The following BRD10 variants were observed in gnomAD, a reference collection of about 807,000 sequenced individuals.
BRD10 encodes bromodomain containing 10.
the BRD10 span, among the ~76,000 whole-genome samples, chr9:5,980,417 T>A: frequency 6.6e-6 from 1 of 152,110 alleles, no homozygotes; most frequent in Non-Finnish European, 1.5e-5. Flanking sequence ...CTGTCCAAAC[T>A]AATAAAGACA....
At chr9:5,924,965 C>T in the BRD10 span, 7 of 724,452 alleles carry the variant, frequency 9.7e-6, no homozygotes, top group South Asian at 1.3e-4. Flanking sequence ...ACTAGAAATG[C>T]TTTAATCTTA....
At chr9:5,999,382 T>TAA in the BRD10 span, among the ~76,000 whole-genome samples, 1 of 152,120 alleles carries the variant, frequency 6.6e-6, no homozygotes, top group East Asian at 1.9e-4. Flanking sequence ...TATATATATA[T>TAA]AATCACCAGA....
the BRD10 span, chr9:5,898,219 A>C: frequency 1.3e-5 from 2 of 152,808 alleles, no homozygotes; most frequent in Non-Finnish European, 2.9e-5. Context: ...ATTAAAAAAA[A>C]ACTTTTTTTT....
the BRD10 span, among the ~76,000 whole-genome samples, chr9:5,994,753 T>C: frequency 6.6e-6 from 1 of 152,176 alleles, no homozygotes; most frequent in Non-Finnish European, 1.5e-5. Flanking sequence ...CTTCTCCTAC[T>C]GAGCAGGGTA....
the BRD10 span, among the ~76,000 whole-genome samples, chr9:5,938,927 C>G: frequency 1.3e-5 from 2 of 152,128 alleles, no homozygotes; most frequent in African/African-American, 2.4e-5. Flanking sequence ...TTAGGGCTTA[C>G]TGAGAACTCT....
chr9:5,887,344 C>A, the BRD10 span, among the ~76,000 whole-genome samples: 1 of 152,162 alleles, frequency 6.6e-6, no homozygotes, highest in South Asian at 2.1e-4. Context: ...TGAGTCTGGT[C>A]CTGTAGCATC....
At chr9:5,884,178 A>G in the BRD10 span, among the ~76,000 whole-genome samples, 9 of 152,204 alleles carry the variant, frequency 5.9e-5, no homozygotes, top group African/African-American at 2.2e-4. Flanking sequence ...CAGTTTACAC[A>G]ATGTTTTCAC....
chr9:5,956,047 G>C, the BRD10 span, among the ~76,000 whole-genome samples: 1 of 151,914 alleles, frequency 6.6e-6, no homozygotes, highest in Non-Finnish European at 1.5e-5. Flanking sequence ...TGTATGGGAA[G>C]GTTTTATAAA....
the BRD10 span, among the ~76,000 whole-genome samples, chr9:5,970,502 G>A: frequency 1.3e-5 from 2 of 152,056 alleles, no homozygotes; most frequent in Admixed American, 1.3e-4. Flanking sequence ...AGGCATTTAA[G>A]TCTTTGTGAC....
At chr9:6,007,547 G>C in the BRD10 span, 7 of 1,612,936 alleles carry the variant, frequency 4.3e-6, no homozygotes, top group Non-Finnish European at 5.9e-6. Context: ...CGGTAGCCCT[G>C]CTGTAGCTCG....
the BRD10 span, among the ~76,000 whole-genome samples, chr9:5,983,962 TACACACACAC>T: frequency 3.7e-4 from 48 of 129,722 alleles, no homozygotes; most frequent in East Asian, 1.1e-3. Context: ...GTATATGCAT[TACACACACAC>T]ACACACACAC....
the BRD10 span, among the ~76,000 whole-genome samples, chr9:5,889,786 G>GAA: frequency 2.9e-4 from 44 of 149,796 alleles, no homozygotes; most frequent in South Asian, 4.9e-3. Context: ...CTCCATCTCA[G>GAA]AAAAAAAAAA....
chr9:5,978,125 A>T, the BRD10 span, among the ~76,000 whole-genome samples: 1 of 152,102 alleles, frequency 6.6e-6, no homozygotes, highest in Non-Finnish European at 1.5e-5. Flanking sequence ...TTTTTTCTGG[A>T]TCAGCTCTCA....
the BRD10 span, among the ~76,000 whole-genome samples, chr9:5,904,300 C>G: frequency 6.6e-6 from 1 of 152,082 alleles, no homozygotes; most frequent in Non-Finnish European, 1.5e-5. Flanking sequence ...CATTGATATT[C>G]AAAGTAGTTA....
At chr9:5,880,489 C>T in the BRD10 span, among the ~76,000 whole-genome samples, 3 of 151,620 alleles carry the variant, frequency 2.0e-5, no homozygotes, top group Admixed American at 1.3e-4. Context: ...ACTCCAGCCT[C>T]GGCAACAGAG....
At chr9:5,880,445 C>T in the BRD10 span, among the ~76,000 whole-genome samples, 2 of 148,270 alleles carry the variant, frequency 1.3e-5, no homozygotes, top group Admixed American at 6.8e-5. Flanking sequence ...ACCTGGGAGA[C>T]GGAGGTTGCA....
At chr9:5,980,247 C>G in the BRD10 span, among the ~76,000 whole-genome samples, 1 of 152,080 alleles carries the variant, frequency 6.6e-6, no homozygotes, top group Admixed American at 6.5e-5. Flanking sequence ...CTGCTGTCTC[C>G]TAAATCAACA....
chr9:5,943,777 T>C, the BRD10 span, among the ~76,000 whole-genome samples: 913 of 152,278 alleles, frequency 6.0e-3, 4 homozygotes, highest in South Asian at 0.012. Flanking sequence ...TTATTGAACA[T>C]AATGTTTTCT....
chr9:5,888,710 C>T, the BRD10 span, among the ~76,000 whole-genome samples: 1 of 152,328 alleles, frequency 6.6e-6, no homozygotes, highest in African/African-American at 2.4e-5. Flanking sequence ...CGAAGCTGAT[C>T]CTCTTTCAAC....
Sources: gnomAD v4.1 joint callset for allele counts (sites outside exome capture counted in the v4.1 genomes callset) on GRCh38, gnomAD v4.1.1 for gene constraint, MANE v1.5 for transcripts, NCBI Gene and HGNC (gene_info 2026-07-23, HGNC 2026-07-21) for gene names.